TMOD2: variants seen among roughly 807,000 people sequenced by gnomAD.
TMOD2 encodes the protein tropomodulin-2.
Under a neutral mutation model 39.9 loss-of-function variants are expected in TMOD2, and 22 were observed. The observed-to-expected ratio is 0.55, with a 90% confidence interval of 0.39 to 0.79. The LOEUF is 0.79. Ranked by LOEUF, TMOD2 falls within the 30% of genes least tolerant of loss-of-function variation. TMOD2 has a pLI of 0.00. For synonymous variants in TMOD2, 123 were observed against 146.1 expected (o/e 0.84, Z 1.14); for missense variants, 386 against 413.3 (o/e 0.93, Z 0.57).
intron 7 of TMOD2, among the ~76,000 whole-genome samples, 187 bp from the exon 8 acceptor site, chr15:51,798,010 G>C (rs568909455): frequency 6.6e-6 from 1 of 152,048 alleles, no homozygotes; most frequent in East Asian, 1.9e-4. Flanking sequence ...TAGACTGCTG[G>C]ACTGAAATAT....
intron 3 of TMOD2, among the ~76,000 whole-genome samples, chr15:51,769,522 G>A (rs2141619020): frequency 6.6e-6 from 1 of 152,300 alleles, no homozygotes; most frequent in East Asian, 1.9e-4. Context: ...TAGGAAGGCT[G>A]TGAGAAGCAA....
intron 1 of TMOD2, among the ~76,000 whole-genome samples, chr15:51,765,505 G>A (rs1490453788): frequency 6.6e-6 from 1 of 152,172 alleles, no homozygotes; most frequent in Non-Finnish European, 1.5e-5. Flanking sequence ...GATGTGATTG[G>A]TGGTAATACC....
intron 1 of TMOD2, 141 bp from the exon 2 acceptor site, chr15:51,766,232 A>C (rs1250139363): frequency 2.4e-6 from 1 of 409,694 alleles, no homozygotes; most frequent in Non-Finnish European, 4.3e-6. Flanking sequence ...GTTGCTCTGC[A>C]AATGAAGGGA....
chr15:51,802,581 A>C (rs1304479184), intron 8 of TMOD2, among the ~76,000 whole-genome samples: 1 of 152,238 alleles, frequency 6.6e-6, no homozygotes, highest in Non-Finnish European at 1.5e-5. Flanking sequence ...GGACCACTGC[A>C]TTAACACTGC....
chr15:51,791,094 A>G (rs1327264915), intron 7 of TMOD2, among the ~76,000 whole-genome samples: 4 of 152,244 alleles, frequency 2.6e-5, no homozygotes, highest in African/African-American at 7.2e-5. Context: ...ATGATTGTAT[A>G]TTTAGAAAAC....
chr15:51,763,651 C>T lies in TMOD2; in HGVS notation c.-69-2722C>T, dbSNP rs576847628. Reference sequence around the variant, plus strand: ...CTAAACATACCTGCATTGTCACCTCCCCACGATTGTCTGCTTTCTAAATTT... The same window carrying T: ...CTAAACATACCTGCATTGTCACCTCTCCACGATTGTCTGCTTTCTAAATTT... On this transcript the variant is annotated intron_variant, in intron 1 of 9. Transcript: ENST00000249700. 1.5e-4 allele frequency among the ~76,000 whole-genome samples: 23 copies of T among 152,284 alleles called. No individual in the cohort carries two copies. In the South Asian group the frequency reaches 4.6e-3, roughly 30 times the overall value.
At chr15:51,761,032 T>C (rs17649047) in intron 1 of TMOD2, among the ~76,000 whole-genome samples, 2,315 of 152,212 alleles carry the variant, frequency 0.015, 82 homozygotes, top group Admixed American at 0.072. Flanking sequence ...ATGGGAGCTT[T>C]GGAGCTAGAT....
intron 4 of TMOD2, among the ~76,000 whole-genome samples, chr15:51,776,135 C>G (rs2141623232): frequency 6.6e-6 from 1 of 152,280 alleles, no homozygotes; most frequent in South Asian, 2.1e-4. Flanking sequence ...CTTTCTTGTG[C>G]TGTGCCAGCT....
chr15:51,777,979 A>G (rs1258271358), intron 5 of TMOD2, among the ~76,000 whole-genome samples: 1 of 151,686 alleles, frequency 6.6e-6, no homozygotes, highest in Non-Finnish European at 1.5e-5. Context: ...CAGCCATCCC[A>G]TTACTGGGTA....
Position 51,768,291 on chromosome 15 carries a change from G to C in TMOD2, c.156G>C (p.Gln52His). 6.2e-7 allele frequency: 1 copy of C among 1,614,172 alleles called. No individual in the cohort carries two copies. Among genetic ancestry groups the C allele is most frequent in the Non-Finnish European group, 8.5e-7 (1 of 1,180,030 alleles). The change falls in exon 3 of 10, where the codon CAG becomes CAC. Residue 52 changes from glutamine (Q) to histidine (H), a missense_variant. Transcript: ENST00000249700. ...ESAMLPAGFR[Q>H]KDQTQKAATG... ...CCATGCTGCCAGCTGGATTTCGACAGAAAGACCAGACACAGAAGGCAGCCA... is the reference window on the plus strand; with the variant it reads ...CCATGCTGCCAGCTGGATTTCGACACAAAGACCAGACACAGAAGGCAGCCA...
At chr15:51,807,582 C>G (rs1307203721) in intron 9 of TMOD2, among the ~76,000 whole-genome samples, 1 of 151,952 alleles carries the variant, frequency 6.6e-6, no homozygotes, top group Non-Finnish European at 1.5e-5. Context: ...CACATTGGGT[C>G]CACAACCAAA....
At chr15:51,792,275 C>G (rs1400414593) in intron 7 of TMOD2, among the ~76,000 whole-genome samples, 4 of 152,194 alleles carry the variant, frequency 2.6e-5, no homozygotes, top group Non-Finnish European at 5.9e-5. Context: ...CTCATCATCA[C>G]TGGTCATCAG....
intron 9 of TMOD2, among the ~76,000 whole-genome samples, chr15:51,807,251 C>G (rs894950162): frequency 1.1e-4 from 16 of 152,186 alleles, no homozygotes; most frequent in African/African-American, 3.6e-4. Flanking sequence ...GGACAGAATG[C>G]CAGATCTTGG....
chr15:51,812,825 G>A lies in TMOD2; in HGVS notation c.*4371G>A, dbSNP rs570109123. On this transcript the variant is annotated 3_prime_UTR_variant, in exon 10 of 10. Transcript: ENST00000249700. ...AGCTGTTTTCATTTTAACGAGCAGA[G>A]AACTAAGAGGAAAGGTCCTAGCTCT... 5 of 152,264 alleles carry A rather than the reference G, an allele frequency of 3.3e-5. No homozygotes were observed. The South Asian group carries it at 1.0e-3, about 32-fold the overall frequency. The allele number at this position is 152,264 out of a possible 1,614,324, so 9.4% of individuals were successfully genotyped here.
chr15:51,758,791 C>T (rs2055759711), intron 1 of TMOD2, among the ~76,000 whole-genome samples: 1 of 151,988 alleles, frequency 6.6e-6, no homozygotes, highest in African/African-American at 2.4e-5. Flanking sequence ...TTGCATGAGA[C>T]CAGGGGATGA....
intron 9 of TMOD2, 53 bp downstream of exon 9, chr15:51,806,574 C>T: frequency 6.3e-7 from 1 of 1,599,054 alleles, no homozygotes; most frequent in African/African-American, 1.3e-5. Context: ...TGAGCATTCA[C>T]TTCTCCACTT....
In TMOD2 at chr15:51,777,016, G is replaced by A; in HGVS notation, c.491G>A (p.Arg164Lys). The A allele has an allele frequency of 5.6e-6, 9 of 1,613,464 alleles. No individual in the cohort carries two copies. The highest frequency in any genetic ancestry group is 7.6e-6 in the Non-Finnish European group (9 of 1,179,538). ...ANNKGGKGPV[R>K]NVVKGEKVKP... ...AATAAAGGTGGCAAAGGACCTGTCA[G>A]AAGTAAGTTGATGTGCAATCTGTGG... The change falls in exon 5 of 10, where the codon AGA becomes AAA. Residue 164 changes from arginine (R) to lysine (K), a missense_variant and splice_region_variant. By Grantham distance (26) the Arg-to-Lys change is conservative. Transcript: ENST00000249700.
intron 7 of TMOD2, chr15:51,783,211 C>G (rs937172591): frequency 5.3e-6 from 1 of 189,744 alleles, no homozygotes. Flanking sequence ...TAGCTGGGCG[C>G]GGTAGCTCAT....
chr15:51,752,720 C>T (rs528257791), intron 1 of TMOD2: 4 of 152,348 alleles, frequency 2.6e-5, no homozygotes, highest in Admixed American at 6.5e-5. Context: ...GAGAGTGTTT[C>T]TGTTTAACAG....
Sources: gnomAD v4.1 joint callset for allele counts (sites outside exome capture counted in the v4.1 genomes callset) on GRCh38, gnomAD v4.1.1 for gene constraint, MANE v1.5 for transcripts, NCBI Gene and HGNC (gene_info 2026-07-23, HGNC 2026-07-21) for gene names.